Variants in KAT6B observed in about 807,000 individuals in gnomAD.
The protein encoded by KAT6B is histone acetyltransferase KAT6B.
KAT6B carries 10 observed loss-of-function variants against 187.5 expected under a neutral mutation model. The ratio of observed to expected loss-of-function variants is 0.05; its 90% confidence interval spans 0.03 to 0.09. KAT6B has a LOEUF of 0.09. KAT6B is among the 10% of genes least tolerant of loss of function. The probability of loss-of-function intolerance (pLI) is 1.00; values close to 1 mark genes in which losing one functional copy is unlikely to be tolerated. For missense variants in KAT6B, 1,952 were observed against 2,558.9 expected (o/e 0.76, Z 5.12); for synonymous variants, 861 against 926.8 (o/e 0.93, Z 1.29).
At chr10:74,837,752 GGTGGATAATATACAAA>G (rs1564896841) in intron 1 of KAT6B, among the ~76,000 whole-genome samples, 1 of 152,044 alleles carries the variant, frequency 6.6e-6, no homozygotes, top group Non-Finnish European at 1.5e-5. Flanking sequence ...AAAAATTTGC[GGTGGATAATATACAAA>G]GTGGATAATA....
At chr10:74,892,090 G>C (rs1397529507) in intron 3 of KAT6B, among the ~76,000 whole-genome samples, 1 of 152,218 alleles carries the variant, frequency 6.6e-6, no homozygotes, top group Non-Finnish European at 1.5e-5. Context: ...GGGACAGGCT[G>C]AGTGTGGTGG....
At chr10:74,936,240 A>C (rs1448261325) in intron 3 of KAT6B, among the ~76,000 whole-genome samples, 2 of 152,024 alleles carry the variant, frequency 1.3e-5, no homozygotes, top group Non-Finnish European at 2.9e-5. Context: ...GTCTCTACCA[A>C]AAATACAAAA....
At chr10:75,015,157 G>T (rs1351642458) in intron 13 of KAT6B, among the ~76,000 whole-genome samples, 1 of 152,214 alleles carries the variant, frequency 6.6e-6, no homozygotes, top group Non-Finnish European at 1.5e-5. Flanking sequence ...TCCACACTGA[G>T]ATCTTGATAA....
At chr10:75,004,736 C>G (rs1482115373) in intron 13 of KAT6B, among the ~76,000 whole-genome samples, 2 of 152,222 alleles carry the variant, frequency 1.3e-5, no homozygotes, top group Non-Finnish European at 2.9e-5. Context: ...GGGTCTCACT[C>G]TGTCACCCAG....
intron 3 of KAT6B, among the ~76,000 whole-genome samples, chr10:74,923,956 G>A (rs1226877315): frequency 2.0e-5 from 3 of 152,206 alleles, no homozygotes; most frequent in African/African-American, 7.2e-5. Context: ...TAGGCCAGTG[G>A]TAATGGTGGA....
intron 11 of KAT6B, 71 bp from the exon 12 acceptor site, chr10:74,985,009 A>G (rs1217802601): frequency 4.5e-6 from 6 of 1,343,376 alleles, no homozygotes; most frequent in African/African-American, 2.9e-5. Flanking sequence ...CTGAAATACC[A>G]TATAGAAGAA....
At chr10:74,971,706 G>A (rs573867428) in intron 6 of KAT6B, among the ~76,000 whole-genome samples, 2 of 151,734 alleles carry the variant, frequency 1.3e-5, no homozygotes, top group Non-Finnish European at 2.9e-5. Flanking sequence ...TTTTATTTAT[G>A]GCTTCAGTTT....
In KAT6B at chr10:74,886,507, T is replaced by C. The variant is rs16931805; in HGVS notation, c.621+43029T>C. On this transcript the variant is annotated intron_variant, in intron 3 of 17. Transcript: ENST00000287239. ...AAACGTAAGTATAGTGATGAGTAGA[T>C]AAGCCAGAGTATTTAAAAGCCACAG... is the stretch of plus-strand genomic sequence containing the variant. Among the ~76,000 whole-genome samples the C allele has an allele frequency of 5.8e-3, 881 of 152,298 alleles. 17 individuals are homozygous for C. Among genetic ancestry groups the C allele is most frequent in the Admixed American group, 0.024 (364 of 15,302 alleles).
intron 3 of KAT6B, among the ~76,000 whole-genome samples, chr10:74,850,977 C>CT (rs1340963438): frequency 6.6e-6 from 1 of 152,098 alleles, no homozygotes; most frequent in East Asian, 1.9e-4. Flanking sequence ...AGGTGGGACA[C>CT]TTTCAGTATC....
At position 74,970,079 on chromosome 10, in the gene KAT6B, A is replaced by G. The variant is rs1222774207; in HGVS notation, c.906A>G (p.Pro302=). Residue 302 remains proline, a synonymous_variant, in exon 6 of 18, where the codon CCA becomes CCG. Coordinates refer to ENST00000287239, the MANE Select transcript of KAT6B (RefSeq NM_012330.4). ...DRGFHMECCD[P]PLSRMPKGMW... ...GATTTCATATGGAATGCTGTGACCC[A>G]CCACTTTCCAGAATGCCAAAAGGTG... 2 of 1,611,930 alleles carry G rather than the reference A, an allele frequency of 1.2e-6. No homozygotes were observed. Among genetic ancestry groups the G allele is most frequent in the East Asian group, 2.2e-5 (1 of 44,848 alleles).
intron 3 of KAT6B, 138 bp downstream of exon 3, chr10:74,843,616 A>G (rs1841900126): frequency 1.4e-5 from 15 of 1,077,734 alleles, no homozygotes; most frequent in Non-Finnish European, 1.6e-5. Flanking sequence ...AGGCTTTTGT[A>G]TTTTAAAATG....
rs1846316310 is a variant in KAT6B at position 75,031,488 on chromosome 10, A to G, written c.*442A>G. 5 of 308,902 alleles carry G rather than the reference A, an allele frequency of 1.6e-5. No homozygotes were observed. The Admixed American group carries it at 2.3e-4, about 14-fold the overall frequency. The allele number at this position is 308,902 out of a possible 1,614,324, so 19.1% of individuals were successfully genotyped here. A position where few individuals can be genotyped will look rare whatever the true frequency, so the allele number is the denominator to read the frequency against. On this transcript the variant is annotated 3_prime_UTR_variant, in exon 18 of 18. Coordinates refer to ENST00000287239, the MANE Select transcript of KAT6B (RefSeq NM_012330.4). ...TATTGTATATTTTGTTTAAGGTGACACTTCAGCATGCCGCTAATGTCTTTG... is the reference window on the plus strand; with the variant it reads ...TATTGTATATTTTGTTTAAGGTGACGCTTCAGCATGCCGCTAATGTCTTTG...
intron 3 of KAT6B, among the ~76,000 whole-genome samples, chr10:74,875,071 G>A (rs1279730136): frequency 6.6e-6 from 1 of 152,020 alleles, no homozygotes; most frequent in African/African-American, 2.4e-5. Flanking sequence ...TACTCCTGGT[G>A]TTGTATATTC....
At chr10:74,930,021 G>A (rs1289701176) in intron 3 of KAT6B, among the ~76,000 whole-genome samples, 2 of 151,026 alleles carry the variant, frequency 1.3e-5, no homozygotes, top group African/African-American at 4.9e-5. Context: ...CTGGGTTCAA[G>A]CGATTCTCCT....
At chr10:74,892,370 A>G (rs543195303) in intron 3 of KAT6B, among the ~76,000 whole-genome samples, 145 of 152,244 alleles carry the variant, frequency 9.5e-4, no homozygotes, top group Non-Finnish European at 1.6e-3. Context: ...CCTGTCTCCT[A>G]TAAAGGCAGC....
intron 3 of KAT6B, among the ~76,000 whole-genome samples, chr10:74,844,704 T>C (rs1282753355): frequency 6.6e-6 from 1 of 152,216 alleles, no homozygotes; most frequent in Non-Finnish European, 1.5e-5. Flanking sequence ...TCTCCTTACA[T>C]TACTGCTACC....
chr10:74,980,759 C>A (rs1234364697), intron 10 of KAT6B, among the ~76,000 whole-genome samples: 2 of 152,182 alleles, frequency 1.3e-5, no homozygotes, highest in Non-Finnish European at 2.9e-5. Flanking sequence ...AAAAAATGTT[C>A]TGATTTTTAA....
chr10:74,825,893 G>C (rs1840162588), upstream of KAT6B, among the ~76,000 whole-genome samples: 2 of 151,714 alleles, frequency 1.3e-5, no homozygotes. The surrounding 1 kb of genome is among the most constrained non-coding windows in gnomAD (Gnocchi z 5.0). Flanking sequence ...GCGAGCCAGG[G>C]GGCGGGCGAG....
Position 75,022,805 on chromosome 10 carries a change from G to A in KAT6B, c.3372+574G>A, listed in dbSNP as rs185098010. On this transcript the variant is annotated intron_variant, in intron 16 of 17. Coordinates refer to ENST00000287239, the MANE Select transcript of KAT6B (RefSeq NM_012330.4). ...AAATTAGCCAGACACGGTAGTACGC[G>A]CCTGTAATCCCAGCTACTCGGGAGG... 3.9e-5 allele frequency among the ~76,000 whole-genome samples: 6 copies of A among 152,256 alleles called. No individual in the cohort carries two copies. The East Asian group carries it at 7.7e-4, about 20-fold the overall frequency.
Sources: gnomAD v4.1 joint callset for allele counts (sites outside exome capture counted in the v4.1 genomes callset) on GRCh38, gnomAD v4.1.1 for gene constraint, Gnocchi (gnomAD v3.1) non-coding constraint, MANE v1.5 for transcripts, NCBI Gene and HGNC (gene_info 2026-07-23, HGNC 2026-07-21) for gene names.